EIF4B: variants seen among roughly 807,000 people sequenced by gnomAD.
EIF4B encodes the protein eukaryotic translation initiation factor 4B.
A neutral mutation model predicts 79.3 loss-of-function variants in EIF4B; 8 were observed. The observed-to-expected ratio is 0.10, with a 90% confidence interval of 0.06 to 0.18. The LOEUF (loss-of-function observed/expected upper bound fraction) is 0.18. Ranked by LOEUF, EIF4B falls within the 10% of genes least tolerant of loss-of-function variation. EIF4B has a pLI of 1.00. For synonymous variants in EIF4B, 238 were observed against 274.7 expected, an observed-to-expected ratio of 0.87 and a Z score of 1.32; for missense variants, 515 against 792.4, an observed-to-expected ratio of 0.65 and a Z score of 4.20.
Position 53,038,402 on chromosome 12 carries a change from G to C in EIF4B, c.1567G>C (p.Gly523Arg). 6.3e-7 allele frequency: 1 copy of C among 1,599,790 alleles called. No homozygotes were observed. The highest frequency in any genetic ancestry group is 1.1e-5 in the South Asian group (1 of 88,780). The change falls in exon 12 of 15, where the codon GGA (glycine) becomes CGA (arginine). Residue 523 changes from glycine (G) to arginine (R), a missense_variant. This residue lies in a region of EIF4B where 146 missense variants were observed against 228.0 expected (regional missense o/e 0.64). Coordinates refer to ENST00000262056, the MANE Select transcript of EIF4B (RefSeq NM_001417.7). ...AGCTCAACCATCTGAGGAAGGACCA[G>C]GAAGGAAAGGTGAGCTCATAGTATG... ...APAQPSEEGP[G>R]RKDENKVDGM...
At position 53,033,778 on chromosome 12, in the gene EIF4B, C is replaced by T. The variant is rs528532313; in HGVS notation, c.980-28C>T. On this transcript the variant is annotated intron_variant, in intron 8 of 14. Coordinates refer to ENST00000262056, the MANE Select transcript of EIF4B (RefSeq NM_001417.7). ...CCATCAGCTTCTGGTGATTGGAAAA[C>T]TATTACTTAAAGTTTCATTTAACTT... The T allele has an allele frequency of 9.6e-6, 15 of 1,560,406 alleles. No homozygotes were observed. In the South Asian group the frequency reaches 1.6e-4, roughly 16 times the overall value.
At chr12:53,026,489 A>T (rs1943336663) in intron 6 of EIF4B, among the ~76,000 whole-genome samples, 1 of 152,222 alleles carries the variant, frequency 6.6e-6, no homozygotes, top group South Asian at 2.1e-4. Flanking sequence ...ACATCCAATT[A>T]TTTCCTCAGT....
chr12:53,021,620 A>ATT, intron 4 of EIF4B, 186 bp from the exon 5 acceptor site: 1 of 702,000 alleles, frequency 1.4e-6, no homozygotes, highest in Non-Finnish European at 2.6e-6. Flanking sequence ...GCCAGCTTAA[A>ATT]TTTGTTTAAC....
At chr12:53,028,577 G>A (rs1943380489) in intron 8 of EIF4B, among the ~76,000 whole-genome samples, 1 of 150,614 alleles carries the variant, frequency 6.6e-6, no homozygotes, top group Admixed American at 6.6e-5. Context: ...AAAAAGCATT[G>A]GCTAAGGATG....
chr12:53,035,371 AT>A (rs1252439545), intron 10 of EIF4B, among the ~76,000 whole-genome samples: 25 of 141,940 alleles, frequency 1.8e-4, no homozygotes, highest in Admixed American at 2.8e-4. Flanking sequence ...TTATTTATTT[AT>A]TTTCTTTTTT....
intron 6 of EIF4B, among the ~76,000 whole-genome samples, chr12:53,027,534 T>G (rs58718300): frequency 6.6e-6 from 1 of 152,162 alleles, no homozygotes; most frequent in Non-Finnish European, 1.5e-5. Flanking sequence ...TTTTGTTTTT[T>G]GTTTTTGCAT....
intron 6 of EIF4B, among the ~76,000 whole-genome samples, chr12:53,027,137 A>ATTATTATTATTATTATTTTTTTTTTTT (rs1943349413): frequency 1.4e-3 from 35 of 25,738 alleles, no homozygotes; most frequent in African/African-American, 2.7e-3. Context: ...AAAAAAAAAA[A>ATTATTATTATTATTATTTTTTTTTTTT]TTTTTTTTTT....
At position 53,039,349 on chromosome 12, in the gene EIF4B, C is replaced by T. The variant is rs1447892796; in HGVS notation, c.1682+6C>T. The T allele has an allele frequency of 2.0e-5, 32 of 1,569,266 alleles. No homozygotes were observed. The highest frequency in any genetic ancestry group is 2.6e-5 in the Non-Finnish European group (30 of 1,149,310). On this transcript the variant is annotated splice_donor_region_variant and intron_variant, in intron 13 of 14. Transcript: ENST00000262056. Reference sequence around the variant, plus strand: ...CACTGGAAGGAGTCAGATAGGTATGCTTGTTCTCTTTCTCATCTTTCCTCT... The same window carrying T: ...CACTGGAAGGAGTCAGATAGGTATGTTTGTTCTCTTTCTCATCTTTCCTCT...
Position 53,041,619 on chromosome 12 carries a change from T to A in EIF4B, c.*1396T>A, listed in dbSNP as rs1350271216. ...TAAACTTGCCTGCTTTTATATGCAT[T>A]TTTGTAGGGATCAGCTTGGTAGACA... On this transcript the variant is annotated 3_prime_UTR_variant, in exon 15 of 15. Transcript: ENST00000262056. The A allele has an allele frequency of 6.6e-6, 1 of 152,206 alleles. No individual in the cohort carries two copies. Among genetic ancestry groups the A allele is most frequent in the East Asian group, 1.9e-4 (1 of 5,198 alleles). 9.4% of individuals were successfully genotyped at this position (152,206 alleles called of 1,614,324 possible). A position where few individuals can be genotyped will look rare whatever the true frequency, so the allele number is the denominator to read the frequency against.
At chr12:53,029,503 G>A (rs1272330245) in intron 8 of EIF4B, among the ~76,000 whole-genome samples, 2 of 151,782 alleles carry the variant, frequency 1.3e-5, no homozygotes, top group Non-Finnish European at 2.9e-5. Context: ...AGCCTCCCGA[G>A]TAGCTGGGAC....
At position 53,011,136 on chromosome 12, in the gene EIF4B, AT is replaced by A. The variant is rs368830011; in HGVS notation, c.13+4641del. ...TTAAAAATTAGCCAGGGGTGGTGGC[AT>A]GTACCTGTGGTCCCAGCTACTTGGG... is the stretch of plus-strand genomic sequence containing the variant. On this transcript the variant is annotated intron_variant, in intron 1 of 14. Coordinates refer to ENST00000262056, the MANE Select transcript of EIF4B (RefSeq NM_001417.7). Among the ~76,000 whole-genome samples, 862 of 152,160 alleles carry A rather than the reference AT, an allele frequency of 5.7e-3. 10 individuals carry two copies. The highest frequency in any genetic ancestry group is 0.02 in the African/African-American group (822 of 41,510).
chr12:53,014,561 A>T (rs1273571608), intron 1 of EIF4B: 2 of 152,256 alleles, frequency 1.3e-5, no homozygotes, highest in Admixed American at 1.3e-4. Context: ...AGCCGGGTTC[A>T]TCTGGTTTGC....
At chr12:53,012,295 C>T (rs1376237552) in intron 1 of EIF4B, 1 of 128,112 alleles carries the variant, frequency 7.8e-6, no homozygotes, top group African/African-American at 2.6e-5. Flanking sequence ...TAGCTCAGGC[C>T]TGTAATCCCA....
intron 8 of EIF4B, among the ~76,000 whole-genome samples, chr12:53,030,294 C>T (rs989515974): frequency 1.4e-5 from 2 of 141,394 alleles, no homozygotes; most frequent in Non-Finnish European, 3.1e-5. Context: ...GTAGGAGGGT[C>T]GCTTGAGCCT....
intron 1 of EIF4B, chr12:53,008,619 C>T (rs1943009207): frequency 6.6e-6 from 1 of 152,186 alleles, no homozygotes; most frequent in Non-Finnish European, 1.5e-5. Flanking sequence ...CCAGTGTGAT[C>T]CATTATTGAC....
chr12:53,017,146 G>A (rs758750598), intron 2 of EIF4B, among the ~76,000 whole-genome samples: 8 of 151,988 alleles, frequency 5.3e-5, no homozygotes, highest in Non-Finnish European at 1.2e-4. Context: ...TCAGCTACTC[G>A]GGAGGCTGGG....
chr12:53,022,247 G>A, intron 5 of EIF4B: 1 of 693,856 alleles, frequency 1.4e-6, no homozygotes, highest in Non-Finnish European at 2.6e-6. Context: ...ATTTGTATAT[G>A]TTTCAGGGAC....
chr12:53,036,081 G>A (rs1255951117), intron 10 of EIF4B, among the ~76,000 whole-genome samples: 1 of 47,292 alleles, frequency 2.1e-5, no homozygotes, highest in East Asian at 6.6e-4. Context: ...ACCATGCCTG[G>A]CCTTCTATTT....
intron 1 of EIF4B, among the ~76,000 whole-genome samples, chr12:53,008,060 C>T (rs1942997832): frequency 6.6e-6 from 1 of 152,152 alleles, no homozygotes. Context: ...TTTTTTTCTC[C>T]AGTGGGCTAG....
Sources: gnomAD v4.1 joint callset for allele counts (sites outside exome capture counted in the v4.1 genomes callset) on GRCh38, gnomAD v4.1.1 for gene constraint, gnomAD v4.1.1 regional missense constraint, MANE v1.5 for transcripts, NCBI Gene and HGNC (gene_info 2026-07-23, HGNC 2026-07-21) for gene names.